PPP3CA: variants seen among roughly 807,000 people sequenced by gnomAD.
PPP3CA encodes CAM-PRP catalytic subunit.
PPP3CA carries 14 observed loss-of-function variants against 66.5 expected under a neutral mutation model. The ratio of observed to expected loss-of-function variants is 0.21; its 90% CI spans 0.14 to 0.33. PPP3CA has a LOEUF of 0.33. PPP3CA is among the 10% of genes least tolerant of loss of function. The pLI is 1.00. For synonymous variants in PPP3CA, 232 were observed against 226.2 expected, an observed-to-expected ratio of 1.03 and a Z score of -0.23; for missense variants, 317 against 639.5, an observed-to-expected ratio of 0.50 and a Z score of 5.44.
chr4:101,311,007 C>T (rs572752424), intron 1 of PPP3CA, among the ~76,000 whole-genome samples: 4 of 152,144 alleles, frequency 2.6e-5, no homozygotes, highest in Admixed American at 1.3e-4. Flanking sequence ...TGGAAGGAGA[C>T]TAACTTAAAA....
chr4:101,060,733 T>C (rs1398357816), intron 10 of PPP3CA, among the ~76,000 whole-genome samples: 1 of 152,062 alleles, frequency 6.6e-6, no homozygotes, highest in Non-Finnish European at 1.5e-5. Flanking sequence ...CATTTTTAAA[T>C]TGCCTGGTAA....
chr4:101,110,200 G>A (rs1253531009), intron 2 of PPP3CA, among the ~76,000 whole-genome samples: 1 of 152,090 alleles, frequency 6.6e-6, no homozygotes, highest in Admixed American at 6.6e-5. Context: ...CAGAATGAAC[G>A]CATTCGTGAA....
intron 1 of PPP3CA, among the ~76,000 whole-genome samples, chr4:101,199,912 G>A (rs1724916764): frequency 6.6e-6 from 1 of 152,142 alleles, no homozygotes. Context: ...GCTGTTGTCA[G>A]TTATACATTT....
intron 8 of PPP3CA, among the ~76,000 whole-genome samples, chr4:101,072,867 C>T (rs926694363): frequency 4.8e-5 from 7 of 146,894 alleles, no homozygotes; most frequent in African/African-American, 1.8e-4. Context: ...ACCCAGAAGG[C>T]GGAGCTTGCA....
intron 2 of PPP3CA, among the ~76,000 whole-genome samples, chr4:101,190,902 G>A (rs1578537551): frequency 6.6e-6 from 1 of 152,180 alleles, no homozygotes; most frequent in Non-Finnish European, 1.5e-5. Context: ...AGTATTCTTT[G>A]TATGTTTTCT....
At chr4:101,202,855 T>C (rs1725012709) in intron 1 of PPP3CA, among the ~76,000 whole-genome samples, 1 of 152,192 alleles carries the variant, frequency 6.6e-6, no homozygotes, top group Admixed American at 6.5e-5. Flanking sequence ...ACTTCTTCTA[T>C]CCTTGTCAGA....
intron 1 of PPP3CA, 52 bp downstream of exon 1, chr4:101,346,687 C>T: frequency 6.5e-7 from 1 of 1,533,300 alleles, no homozygotes; most frequent in Non-Finnish European, 8.9e-7. Context: ...GGCAAGCTGC[C>T]CTGGCGCCTG....
In PPP3CA at chr4:101,034,226, G is replaced by A. The variant is rs143985913; in HGVS notation, c.1242-1862C>T. 3.0e-3 allele frequency among the ~76,000 whole-genome samples: 450 copies of A among 152,196 alleles called. 1 individual carries two copies. Among genetic ancestry groups the A allele is most frequent in the Non-Finnish European group, 5.2e-3 (351 of 67,998 alleles). On this transcript the variant is annotated intron_variant, in intron 11 of 13. Coordinates refer to ENST00000394854, the MANE Select transcript of PPP3CA (RefSeq NM_000944.5). ...AGACATACCCAGCACACTCCACTGA[G>A]GGGCGCTGCACTTTCTTTGTCATCC... is the stretch of plus-strand genomic sequence containing the variant.
chr4:101,330,834 T>C (rs528598073), intron 1 of PPP3CA, among the ~76,000 whole-genome samples: 89 of 152,318 alleles, frequency 5.8e-4, no homozygotes, highest in Non-Finnish European at 1.2e-3. Flanking sequence ...CCAATTAAAA[T>C]GACTTTTTTA....
intron 10 of PPP3CA, among the ~76,000 whole-genome samples, chr4:101,045,841 C>T (rs1289383024): frequency 1.3e-5 from 2 of 152,144 alleles, no homozygotes; most frequent in East Asian, 1.9e-4. Flanking sequence ...TAGAGACAGA[C>T]ATGTGATAAA....
intron 4 of PPP3CA, 25 bp from the exon 5 acceptor site, chr4:101,098,537 C>T (rs748485528): frequency 6.4e-7 from 1 of 1,565,572 alleles, no homozygotes; most frequent in Non-Finnish European, 8.6e-7. Context: ...TAAAAGAATA[C>T]TTATGATTTA....
At chr4:101,337,257 G>C (rs1729661201) in intron 1 of PPP3CA, among the ~76,000 whole-genome samples, 1 of 152,092 alleles carries the variant, frequency 6.6e-6, no homozygotes, top group African/African-American at 2.4e-5. Context: ...TTAGTTGACT[G>C]GGGTGATGAA....
intron 1 of PPP3CA, among the ~76,000 whole-genome samples, chr4:101,197,150 AT>A (rs983828093): frequency 2.0e-5 from 3 of 152,210 alleles, no homozygotes; most frequent in Non-Finnish European, 4.4e-5. Flanking sequence ...GACATACAGC[AT>A]CTCCACTGGA....
chr4:101,056,500 C>G (rs1300502481), intron 10 of PPP3CA, among the ~76,000 whole-genome samples: 1 of 152,150 alleles, frequency 6.6e-6, no homozygotes, highest in South Asian at 2.1e-4. Flanking sequence ...AAAAGTCAAG[C>G]TGATAAGATA....
chr4:101,337,474 C>G (rs895958034), intron 1 of PPP3CA, among the ~76,000 whole-genome samples: 1 of 152,118 alleles, frequency 6.6e-6, no homozygotes, highest in Non-Finnish European at 1.5e-5. Context: ...GCACGTGGAA[C>G]GAGATAGAGT....
At chr4:101,040,654 T>A in intron 10 of PPP3CA, 88 bp from the exon 11 acceptor site, 2 of 989,454 alleles carry the variant, frequency 2.0e-6, no homozygotes, top group Non-Finnish European at 2.9e-6. Flanking sequence ...CAGACTCCAG[T>A]AAGCAAAATC....
At chr4:101,305,773 AG>A (rs923715706) in intron 1 of PPP3CA, among the ~76,000 whole-genome samples, 9 of 152,204 alleles carry the variant, frequency 5.9e-5, no homozygotes, top group African/African-American at 2.2e-4. Flanking sequence ...CAGGTTATGG[AG>A]GGGGGTGTTT....
intron 1 of PPP3CA, among the ~76,000 whole-genome samples, chr4:101,213,513 TAAG>T (rs1172731054): frequency 1.3e-5 from 2 of 152,106 alleles, no homozygotes; most frequent in Non-Finnish European, 2.9e-5. Context: ...CTACAGGGCA[TAAG>T]AAAAGTTATC....
At chr4:101,133,553 T>A (rs1387576742) in intron 2 of PPP3CA, among the ~76,000 whole-genome samples, 2 of 152,104 alleles carry the variant, frequency 1.3e-5, no homozygotes, top group African/African-American at 4.8e-5. Context: ...GTGAAGGACC[T>A]CTTCAAGCAG....
Sources: gnomAD v4.1 joint callset for allele counts (sites outside exome capture counted in the v4.1 genomes callset) on GRCh38, gnomAD v4.1.1 for gene constraint, MANE v1.5 for transcripts, NCBI Gene and HGNC (gene_info 2026-07-23, HGNC 2026-07-21) for gene names.